RIN2: variants seen among roughly 807,000 people sequenced by gnomAD.
RIN2 encodes Ras and Rab interactor 2, also known as RAB5 interacting protein 2.
A neutral mutation model predicts 78.0 loss-of-function variants in RIN2; 36 were observed. The ratio of observed to expected loss-of-function variants is 0.46; its 90% CI spans 0.35 to 0.61. The LOEUF (loss-of-function observed/expected upper bound fraction) is 0.61, where lower values mean the gene tolerates loss of function less well. Among genes scored for constraint, RIN2 ranks in the 20% least tolerant of loss-of-function variants. The probability of loss-of-function intolerance (pLI) is 0.00; values close to 1 mark genes in which losing one functional copy is unlikely to be tolerated. For missense variants in RIN2, 1,087 were observed against 1,159.7 expected (o/e 0.94, Z 0.91); for synonymous variants, 466 against 466.8 (o/e 1.00, Z 0.02).
chr20:19,844,756 TTAA>T (rs2036727692), intron 2 of RIN2, among the ~76,000 whole-genome samples: 1 of 148,592 alleles, frequency 6.7e-6, no homozygotes, highest in African/African-American at 2.5e-5. Flanking sequence ...TAATTATACT[TTAA>T]GTTCTGGGAT....
intron 1 of RIN2, among the ~76,000 whole-genome samples, chr20:19,766,701 A>T (rs1466198418): frequency 6.6e-6 from 1 of 152,166 alleles, no homozygotes; most frequent in Non-Finnish European, 1.5e-5. Context: ...CAGGCAGATC[A>T]CTTGAAGTCA....
chr20:19,823,482 G>C (rs2035990405), intron 2 of RIN2: 18 of 823,680 alleles, frequency 2.2e-5, no homozygotes, highest in Admixed American at 1.5e-4. Context: ...CACTGTTGAT[G>C]TCATCTATGA....
intron 3 of RIN2, among the ~76,000 whole-genome samples, chr20:19,907,660 T>G (rs1201809703): frequency 6.6e-6 from 1 of 152,240 alleles, no homozygotes; most frequent in Non-Finnish European, 1.5e-5. Context: ...GGGTCTGAGA[T>G]AAAGCTGGTG....
chr20:19,767,922 C>CAAAAA lies in RIN2; in HGVS notation c.-163+9608_-163+9612dup, dbSNP rs61365306. Among the ~76,000 whole-genome samples, 57 of 124,554 alleles carry CAAAAA rather than the reference C, an allele frequency of 4.6e-4. 1 individual carries two copies. The highest frequency in any genetic ancestry group is 1.3e-3 in the African/African-American group (41 of 32,626). The allele number at this position is 124,554 out of a possible 152,430, so 81.7% of individuals were successfully genotyped here. A position where few individuals can be genotyped will look rare whatever the true frequency, so the allele number is the denominator to read the frequency against. Reference sequence around the variant, plus strand: ...CCTGGGCAACAGAGCAAAACTGTCTCAAAAAAAAAAAAAAAAATCAATGCA... The same window carrying CAAAAA: ...CCTGGGCAACAGAGCAAAACTGTCTCAAAAAAAAAAAAAAAAAAAAAATCAATGCA... On this transcript the variant is annotated intron_variant, in intron 1 of 12. Transcript: ENST00000255006.
intron 9 of RIN2, among the ~76,000 whole-genome samples, chr20:19,979,093 C>A (rs1283726417): frequency 2.0e-5 from 3 of 152,170 alleles, no homozygotes; most frequent in Non-Finnish European, 2.9e-5. Flanking sequence ...TTTTGCAGAA[C>A]TTGTTGCAAT....
intron 8 of RIN2, 47 bp from the exon 9 acceptor site, chr20:19,974,607 G>T: frequency 1.3e-6 from 2 of 1,561,750 alleles, no homozygotes; most frequent in South Asian, 1.2e-5. Context: ...GGAATGGTCT[G>T]AGTGTACCGT....
chr20:19,814,161 C>G (rs1311533834), intron 2 of RIN2, among the ~76,000 whole-genome samples: 1 of 152,134 alleles, frequency 6.6e-6, no homozygotes, highest in Non-Finnish European at 1.5e-5. Context: ...TGTGTGTTTA[C>G]GAGGTCACAC....
chr20:19,764,923 T>TTTTTTTTTTTTTTC (rs2033813798), intron 1 of RIN2, among the ~76,000 whole-genome samples: 1 of 113,808 alleles, frequency 8.8e-6, no homozygotes, highest in Non-Finnish European at 1.8e-5. Flanking sequence ...TCTGCGTTTT[T>TTTTTTTTTTTTTTC]TTTTTTTTTT....
At chr20:19,938,601 T>C (rs1191154560) in intron 4 of RIN2, among the ~76,000 whole-genome samples, 2 of 152,284 alleles carry the variant, frequency 1.3e-5, no homozygotes, top group Middle Eastern at 3.4e-3. Flanking sequence ...TTAAAAAATA[T>C]CTGTGCCTCA....
At chr20:19,815,917 A>C (rs2035753636) in intron 2 of RIN2, among the ~76,000 whole-genome samples, 1 of 152,238 alleles carries the variant, frequency 6.6e-6, no homozygotes, top group African/African-American at 2.4e-5. Context: ...AGTTTGTAGC[A>C]ATCCATGGAT....
chr20:19,860,472 A>G (rs566074342), intron 2 of RIN2, among the ~76,000 whole-genome samples: 46 of 141,098 alleles, frequency 3.3e-4, no homozygotes, highest in African/African-American at 1.1e-3. Flanking sequence ...GGCACACACC[A>G]CCACACCCAG....
intron 7 of RIN2, among the ~76,000 whole-genome samples, chr20:19,965,280 T>C (rs1359463219): frequency 6.6e-6 from 1 of 152,060 alleles, no homozygotes; most frequent in East Asian, 1.9e-4. Flanking sequence ...TTCAAGCTGC[T>C]CCCAAGGCTC....
chr20:19,850,339 C>T (rs1465908542), intron 2 of RIN2, among the ~76,000 whole-genome samples: 1 of 152,184 alleles, frequency 6.6e-6, no homozygotes, highest in East Asian at 1.9e-4. Context: ...CAGTCTGCAG[C>T]TCCTCCGTGC....
intron 9 of RIN2, among the ~76,000 whole-genome samples, chr20:19,980,447 A>G (rs2042410945): frequency 6.6e-6 from 1 of 152,120 alleles, no homozygotes; most frequent in Admixed American, 6.6e-5. Flanking sequence ...CAGCCTGCAC[A>G]AGGGGGCTGT....
At chr20:19,927,868 G>A (rs2040288982) in intron 3 of RIN2, among the ~76,000 whole-genome samples, 1 of 151,866 alleles carries the variant, frequency 6.6e-6, no homozygotes, top group South Asian at 2.1e-4. Flanking sequence ...ATTTAAATAG[G>A]AAGAGGATTA....
intron 9 of RIN2, among the ~76,000 whole-genome samples, chr20:19,984,527 G>T (rs988164644): frequency 2.0e-5 from 3 of 152,210 alleles, no homozygotes. Flanking sequence ...AGCACTTTGC[G>T]AGGCTGAGGT....
At chr20:19,804,043 A>G (rs1305257876) in intron 2 of RIN2, among the ~76,000 whole-genome samples, 2 of 152,122 alleles carry the variant, frequency 1.3e-5, no homozygotes, top group African/African-American at 4.8e-5. Flanking sequence ...TCCCACATTG[A>G]TTTTGCATCC....
intron 3 of RIN2, among the ~76,000 whole-genome samples, chr20:19,931,657 C>T (rs12106223): frequency 0.38 from 56,849 of 150,406 alleles, 10,951 homozygotes; most frequent in Non-Finnish European, 0.42. Flanking sequence ...GTGTTGGGAA[C>T]GTTTGCATGG....
Position 19,974,589 on chromosome 20 carries a change from T to C in RIN2, c.629-65T>C, listed in dbSNP as rs958317495. On this transcript the variant is annotated intron_variant, in intron 8 of 12. Coordinates refer to ENST00000255006, the MANE Select transcript of RIN2 (RefSeq NM_018993.4). Reference sequence around the variant, plus strand: ...TTGTCATGCAGTGTGCTTTTTTTAATTTGTGAAGGAATGGTCTGAGTGTAC... The same window carrying C: ...TTGTCATGCAGTGTGCTTTTTTTAACTTGTGAAGGAATGGTCTGAGTGTAC... The C allele has an allele frequency of 4.1e-5, 62 of 1,511,022 alleles. No individual in the cohort carries two copies. In the South Asian group the frequency reaches 7.6e-4, roughly 19 times the overall value. The allele number at this position is 1,511,022 out of a possible 1,614,324, so 93.6% of individuals were successfully genotyped here. A position where few individuals can be genotyped will look rare whatever the true frequency, so the allele number is the denominator to read the frequency against.
Sources: allele counts gnomAD v4.1 joint callset (sites outside exome capture counted in the v4.1 genomes callset), GRCh38; gene constraint gnomAD v4.1.1; transcripts MANE v1.5; gene names NCBI Gene and HGNC (gene_info 2026-07-23, HGNC 2026-07-21).